Variants in COL22A1 observed in about 807,000 individuals in gnomAD.
The protein encoded by COL22A1 is collagen alpha-1(XXII) chain.
Under a neutral mutation model 248.9 loss-of-function variants are expected in COL22A1, and 221 were observed. That is an observed-to-expected ratio of 0.89 (90% CI 0.80 to 0.99). The LOEUF (loss-of-function observed/expected upper bound fraction) is 0.99. Ranked by LOEUF, COL22A1 falls within the 50% of genes least tolerant of loss-of-function variation. COL22A1 has a pLI of 0.00. For missense variants in COL22A1, 2,240 were observed against 2,179.0 expected (o/e 1.03, Z -0.56); for synonymous variants, 891 against 793.4 (o/e 1.12, Z -2.07).
At chr8:138,746,652 G>A (rs1832138164) in intron 22 of COL22A1, among the ~76,000 whole-genome samples, 1 of 152,194 alleles carries the variant, frequency 6.6e-6, no homozygotes, top group Non-Finnish European at 1.5e-5. Flanking sequence ...GACAAGCGGG[G>A]AGCCATCCTC....
intron 59 of COL22A1, among the ~76,000 whole-genome samples, chr8:138,603,443 A>C (rs1818193107): frequency 6.6e-6 from 1 of 152,152 alleles, no homozygotes; most frequent in African/African-American, 2.4e-5. Flanking sequence ...CAAGCCTTGG[A>C]TGGGAGAAGG....
At chr8:138,628,697 CAA>C (rs1430803183) in intron 50 of COL22A1, among the ~76,000 whole-genome samples, 1 of 151,268 alleles carries the variant, frequency 6.6e-6, no homozygotes, top group African/African-American at 2.4e-5. Context: ...ATGACAGAAT[CAA>C]AGTCTTATTT....
chr8:138,713,758 C>T (rs373397480), intron 30 of COL22A1, among the ~76,000 whole-genome samples: 7 of 151,802 alleles, frequency 4.6e-5, no homozygotes, highest in African/African-American at 1.7e-4. Context: ...AGTTGTCTCA[C>T]CAAGCAGATC....
intron 22 of COL22A1, among the ~76,000 whole-genome samples, chr8:138,742,172 G>C (rs1440266226): frequency 6.7e-6 from 1 of 150,344 alleles, no homozygotes; most frequent in East Asian, 2.0e-4. Context: ...GATGGTGATG[G>C]TGATGGTAAA....
chr8:138,628,546 A>G (rs778952955), intron 50 of COL22A1, among the ~76,000 whole-genome samples: 1 of 151,848 alleles, frequency 6.6e-6, no homozygotes, highest in South Asian at 2.1e-4. Flanking sequence ...GAAGAAAAAG[A>G]AAAAAAAATT....
chr8:138,770,822 C>T (rs1005256550), intron 16 of COL22A1, among the ~76,000 whole-genome samples: 6 of 152,172 alleles, frequency 3.9e-5, no homozygotes, highest in Non-Finnish European at 7.3e-5. Context: ...GAGTCGGAGG[C>T]AGTGCAAAGC....
At chr8:138,683,317 G>A (rs917550412) in intron 39 of COL22A1, among the ~76,000 whole-genome samples, 15 of 152,300 alleles carry the variant, frequency 9.8e-5, no homozygotes, top group Admixed American at 5.9e-4. Context: ...TAATTGATGC[G>A]TAAATGAATG....
intron 1 of COL22A1, among the ~76,000 whole-genome samples, chr8:138,893,133 C>A (rs1334552356): frequency 6.6e-6 from 1 of 152,182 alleles, no homozygotes; most frequent in African/African-American, 2.4e-5. Flanking sequence ...ACCAAGCTTG[C>A]CTACATCCTG....
chr8:138,737,822 G>A (rs926080700), intron 22 of COL22A1, among the ~76,000 whole-genome samples: 2 of 151,962 alleles, frequency 1.3e-5, no homozygotes, highest in African/African-American at 4.8e-5. Flanking sequence ...GGTAACTCAT[G>A]GACCCATGTT....
At chr8:138,794,916 G>C (rs1280210391) in intron 12 of COL22A1, among the ~76,000 whole-genome samples, 1 of 152,086 alleles carries the variant, frequency 6.6e-6, no homozygotes, top group Non-Finnish European at 1.5e-5. Context: ...GAGAGGAAAT[G>C]GGGAGATGCC....
chr8:138,724,413 G>A (rs1325664847), intron 25 of COL22A1, among the ~76,000 whole-genome samples: 1 of 152,178 alleles, frequency 6.6e-6, no homozygotes, highest in Admixed American at 6.5e-5. Context: ...CACCCAGGGA[G>A]CCTTCCCACA....
intron 22 of COL22A1, among the ~76,000 whole-genome samples, chr8:138,740,850 C>A (rs376761515): frequency 3.3e-5 from 5 of 152,114 alleles, no homozygotes; most frequent in Admixed American, 6.5e-5. Context: ...CTGTACCTTC[C>A]GCACCCCCAG....
intron 12 of COL22A1, among the ~76,000 whole-genome samples, chr8:138,782,829 TCAATGGAA>T (rs1164798107): frequency 5.3e-5 from 8 of 151,834 alleles, no homozygotes; most frequent in African/African-American, 1.9e-4. Flanking sequence ...GACAGACGGA[TCAATGGAA>T]GCACCCCACC....
chr8:138,779,435 C>T, intron 14 of COL22A1, 74 bp downstream of exon 14: 1 of 1,050,116 alleles, frequency 9.5e-7, no homozygotes, highest in Non-Finnish European at 1.5e-6. Flanking sequence ...TCTTCTGCAC[C>T]TAAAGCAACT....
intron 63 of COL22A1, among the ~76,000 whole-genome samples, chr8:138,592,452 A>G (rs1445046895): frequency 1.3e-5 from 2 of 152,238 alleles, no homozygotes; most frequent in Non-Finnish European, 2.9e-5. Flanking sequence ...GTATTCTGCC[A>G]CAATCTGATG....
chr8:138,767,419 C>T (rs906407684), intron 16 of COL22A1, among the ~76,000 whole-genome samples: 5 of 152,090 alleles, frequency 3.3e-5, no homozygotes, highest in Admixed American at 6.5e-5. Context: ...TGTTGACGGC[C>T]GGCTGCCACC....
In COL22A1 at chr8:138,684,471, T is replaced by G; in HGVS notation, c.2968-2A>C. ...GAGTCCAGGTGATCCACGGAGTCCC[T>G]GGAGAAATAAATAATACAAGGACAA... On this transcript the variant is annotated splice_acceptor_variant, in intron 38 of 64. Coordinates refer to ENST00000303045, the MANE Select transcript of COL22A1 (RefSeq NM_152888.3). LOFTEE classifies it high-confidence loss of function. 1.2e-6 allele frequency: 2 copies of G among 1,607,280 alleles called. No individual in the cohort carries two copies. Among genetic ancestry groups the G allele is most frequent in the Non-Finnish European group, 1.7e-6 (2 of 1,173,896 alleles).
At chr8:138,610,712 C>T (rs1818790162) in intron 56 of COL22A1, among the ~76,000 whole-genome samples, 1 of 152,162 alleles carries the variant, frequency 6.6e-6, no homozygotes, top group Admixed American at 6.5e-5. Context: ...ACAATCTCAC[C>T]AGGCCAGCTG....
intron 1 of COL22A1, among the ~76,000 whole-genome samples, chr8:138,885,267 GT>G (rs1287564493): frequency 6.6e-6 from 1 of 152,164 alleles, no homozygotes; most frequent in African/African-American, 2.4e-5. Context: ...TGGTCAATCA[GT>G]TCTTCCAACT....
Sources: gnomAD v4.1 joint callset for allele counts (sites outside exome capture counted in the v4.1 genomes callset) on GRCh38, gnomAD v4.1.1 for gene constraint, MANE v1.5 for transcripts, NCBI Gene and HGNC (gene_info 2026-07-23, HGNC 2026-07-21) for gene names.